The following TENM3 variants were observed in gnomAD, a reference collection of about 807,000 sequenced individuals.
TENM3 encodes the protein teneurin transmembrane protein 3, also known as teneurin-3.
A neutral mutation model predicts 255.1 loss-of-function variants in TENM3; 63 were observed. The ratio of observed to expected loss-of-function variants is 0.25; its 90% CI spans 0.20 to 0.30. TENM3 has a LOEUF of 0.30. TENM3 is among the 10% of genes least tolerant of loss of function. The probability of loss-of-function intolerance (pLI) is 1.00; values close to 1 mark genes in which losing one functional copy is unlikely to be tolerated. For missense variants in TENM3, 2,929 were observed against 3,461.1 expected, an observed-to-expected ratio of 0.85 and a Z score of 3.86; for synonymous variants, 1,306 against 1,322.3, an observed-to-expected ratio of 0.99 and a Z score of 0.27.
At chr4:182,419,623 ATG>A (rs1770655102) in intron 3 of TENM3, among the ~76,000 whole-genome samples, 1 of 152,226 alleles carries the variant, frequency 6.6e-6, no homozygotes, top group South Asian at 2.1e-4. Context: ...ACCAACCCAA[ATG>A]TCTATCAATG....
intron 13 of TENM3, among the ~76,000 whole-genome samples, chr4:182,727,877 T>C (rs1197040217): frequency 1.3e-5 from 2 of 151,612 alleles, no homozygotes; most frequent in Non-Finnish European, 2.9e-5. Context: ...TTTTTTTTTT[T>C]TTTGAGACAG....
chr4:182,693,319 A>G (rs1401127780), intron 12 of TENM3, among the ~76,000 whole-genome samples: 1 of 151,790 alleles, frequency 6.6e-6, no homozygotes, highest in African/African-American at 2.4e-5. Flanking sequence ...ATTCACTATA[A>G]CTGGTATCTT....
chr4:182,209,589 G>A (rs544504953), intron 1 of TENM3, among the ~76,000 whole-genome samples: 2 of 151,516 alleles, frequency 1.3e-5, no homozygotes, highest in South Asian at 4.1e-4. Context: ...AGGTATAGCC[G>A]AGTAAAGTTC....
chr4:181,507,685 A>G, the TENM3 span, among the ~76,000 whole-genome samples: 5 of 152,354 alleles, frequency 3.3e-5, no homozygotes, highest in Middle Eastern at 3.4e-3. Context: ...GCTTTACAGC[A>G]CAGCAGATGG....
chr4:181,841,918 TAAACTC>T, the TENM3 span, among the ~76,000 whole-genome samples: 1 of 152,162 alleles, frequency 6.6e-6, no homozygotes, highest in African/African-American at 2.4e-5. Context: ...TTGAAACCGA[TAAACTC>T]AAATCAACTC....
the TENM3 span, among the ~76,000 whole-genome samples, chr4:181,465,548 A>G: frequency 6.6e-6 from 1 of 152,248 alleles, no homozygotes. Flanking sequence ...TTTTAGAATT[A>G]TGAAAATATG....
At chr4:182,082,458 C>G in the TENM3 span, among the ~76,000 whole-genome samples, 7 of 152,150 alleles carry the variant, frequency 4.6e-5, no homozygotes, top group African/African-American at 1.7e-4. Context: ...CATGTACTCA[C>G]CACCCAGCTT....
intron 1 of TENM3, among the ~76,000 whole-genome samples, chr4:182,266,804 T>C (rs1759272608): frequency 6.6e-6 from 1 of 152,212 alleles, no homozygotes; most frequent in South Asian, 2.1e-4. Context: ...ATTTAGTGTA[T>C]GTTATTAATA....
At chr4:182,016,744 G>T in the TENM3 span, among the ~76,000 whole-genome samples, 26 of 152,130 alleles carry the variant, frequency 1.7e-4, no homozygotes, top group Non-Finnish European at 3.5e-4. Flanking sequence ...AATGAACATA[G>T]GCCATTAACA....
In TENM3 at chr4:182,518,036, T is replaced by C. The variant is rs543509873; in HGVS notation, c.512-82888T>C. Among the ~76,000 whole-genome samples the C allele has an allele frequency of 3.3e-5, 5 of 152,288 alleles. No individual in the cohort carries two copies. The South Asian group carries it at 8.3e-4, about 25-fold the overall frequency. The stretch of plus-strand genomic sequence containing the variant: ...CCTAGATCCTCTTTTTCTTGATCTT[T>C]TTCCTTCTCTTTTCTTTTTCTTGTT... On this transcript the variant is annotated intron_variant, in intron 3 of 27. Coordinates refer to ENST00000511685, the MANE Select transcript of TENM3 (RefSeq NM_001080477.4).
intron 2 of TENM3, among the ~76,000 whole-genome samples, chr4:182,335,298 A>G (rs1263621595): frequency 1.0e-5 from 1 of 96,178 alleles, no homozygotes; most frequent in Non-Finnish European, 2.4e-5. Flanking sequence ...GGAGATCGAG[A>G]CCATCCTGTG....
At chr4:181,773,110 G>A in the TENM3 span, among the ~76,000 whole-genome samples, 1 of 152,162 alleles carries the variant, frequency 6.6e-6, no homozygotes, top group Non-Finnish European at 1.5e-5. Context: ...ATGATTTCCT[G>A]TAACTGATTA....
chr4:181,678,841 C>CA, the TENM3 span, among the ~76,000 whole-genome samples: 31,689 of 102,586 alleles, frequency 0.31, 3,514 homozygotes, highest in African/African-American at 0.4. Context: ...ATGTTTTAAA[C>CA]AAAAAAAAAA....
In TENM3 at chr4:182,488,105, A is replaced by G. The variant is rs182175808; in HGVS notation, c.512-112819A>G. On this transcript the variant is annotated intron_variant, in intron 3 of 27. Transcript: ENST00000511685. ...GATTAATTGCTTGCAAGTGATGACA[A>G]ACATCTGCAACACAAGTGGATAATG... 1.8e-4 allele frequency among the ~76,000 whole-genome samples: 28 copies of G among 152,314 alleles called. No individual in the cohort carries two copies. In the East Asian group the frequency reaches 3.3e-3, roughly 18 times the overall value.
At chr4:182,526,322 AC>A (rs1272648058) in intron 3 of TENM3, among the ~76,000 whole-genome samples, 1 of 151,722 alleles carries the variant, frequency 6.6e-6, no homozygotes, top group African/African-American at 2.4e-5. Context: ...GCAGTCCCTA[AC>A]TATCCCATTT....
chr4:182,101,104 G>GAGGA, the TENM3 span, among the ~76,000 whole-genome samples: 1 of 11,682 alleles, frequency 8.6e-5, no homozygotes, highest in Non-Finnish European at 1.9e-4. Context: ...GGGAGGGAGG[G>GAGGA]AGGAAGGAAA....
the TENM3 span, among the ~76,000 whole-genome samples, chr4:181,675,312 T>C: frequency 6.6e-6 from 1 of 152,102 alleles, no homozygotes; most frequent in African/African-American, 2.4e-5. Context: ...AAATGAGTTA[T>C]ATTGGAGGAA....
chr4:182,003,157 T>A, the TENM3 span, among the ~76,000 whole-genome samples: 1 of 152,140 alleles, frequency 6.6e-6, no homozygotes, highest in Non-Finnish European at 1.5e-5. Context: ...CGGGTATTCT[T>A]GATGACTAAG....
chr4:182,778,754 A>AT (rs143337835), intron 24 of TENM3, among the ~76,000 whole-genome samples: 13,470 of 151,980 alleles, frequency 0.089, 798 homozygotes, highest in Non-Finnish European at 0.13. Flanking sequence ...GAAAATGGAG[A>AT]TTTTTTTCCA....
Sources: allele counts gnomAD v4.1 joint callset (sites outside exome capture counted in the v4.1 genomes callset), GRCh38; gene constraint gnomAD v4.1.1; transcripts MANE v1.5; gene names NCBI Gene and HGNC (gene_info 2026-07-23, HGNC 2026-07-21).